The following KAT14 variants were observed in gnomAD, a reference collection of about 807,000 sequenced individuals.
KAT14 encodes lysine acetyltransferase 14.
Under a neutral mutation model 78.4 loss-of-function variants are expected in KAT14, and 66 were observed. That is an observed-to-expected ratio of 0.84 (90% CI 0.69 to 1.03). KAT14 has a LOEUF of 1.03. KAT14 is among the 50% of genes least tolerant of loss of function. The pLI, the probability that KAT14 is intolerant of heterozygous loss-of-function variation, is 0.00. For missense variants in KAT14, 870 were observed against 972.5 expected (o/e 0.89, Z 1.40); for synonymous variants, 344 against 359.4 (o/e 0.96, Z 0.48).
intron 8 of KAT14, among the ~76,000 whole-genome samples, chr20:18,182,816 C>T (rs778534576): frequency 9.2e-5 from 14 of 152,278 alleles, no homozygotes; most frequent in Middle Eastern, 3.4e-3. Flanking sequence ...CTCCAAGGCA[C>T]TGGAGATGCA....
chr20:18,161,427 C>T (rs1164328939), intron 5 of KAT14, among the ~76,000 whole-genome samples: 1 of 152,084 alleles, frequency 6.6e-6, no homozygotes, highest in Non-Finnish European at 1.5e-5. Flanking sequence ...AGTATAACTT[C>T]TTTTTTCTCA....
At position 18,137,902 on chromosome 20, in the gene KAT14, G is replaced by T. The variant is rs911345821; in HGVS notation, c.-603G>T. The T allele has an allele frequency of 3.5e-6, 5 of 1,444,634 alleles. No homozygotes were observed. The highest frequency in any genetic ancestry group is 4.5e-6 in the Non-Finnish European group (5 of 1,104,132). The allele number at this position is 1,444,634 out of a possible 1,614,324, so 89.5% of individuals were successfully genotyped here. A position where few individuals can be genotyped will look rare whatever the true frequency, so the allele number is the denominator to read the frequency against. ...CAGGCGGCGGTGCGCACTCTGCGGC[G>T]GCCTCTGCGCCTCGGGCGGGCGGGA... is the stretch of plus-strand genomic sequence containing the variant. On this transcript the variant is annotated 5_prime_UTR_variant, in exon 1 of 11. Transcript: ENST00000688188.
intron 4 of KAT14, among the ~76,000 whole-genome samples, chr20:18,156,472 A>C (rs1311092180): frequency 6.6e-6 from 1 of 152,198 alleles, no homozygotes; most frequent in Non-Finnish European, 1.5e-5. Context: ...ATGTCCTGGC[A>C]ACAAATTTAT....
rs747767263 is a variant in KAT14 at position 18,162,859 on chromosome 20, AAAG to A, written c.1586_1588del (p.Glu529del). Reference sequence around the variant, plus strand: ...GTTAGTTGACGGGATTTATGGAGCCAAAGAAGGAGGAATTTCCAGACTTCCAGC... The same window carrying A: ...GTTAGTTGACGGGATTTATGGAGCCAAAGGAGGAATTTCCAGACTTCCAGC... On this transcript the variant is annotated inframe_deletion, in exon 7 of 11. Transcript: ENST00000688188. 4.8e-5 allele frequency: 78 copies of A among 1,614,082 alleles called. No individual in the cohort carries two copies. The highest frequency in any genetic ancestry group is 6.4e-5 in the Non-Finnish European group (76 of 1,180,038).
Position 18,162,690 on chromosome 20 carries a change from C to G in KAT14, c.1413C>G (p.Leu471=), listed in dbSNP as rs1269307687. Reference sequence around the variant, plus strand: ...GCATCTACGAGGAAAAGCTGCTGCTCAAGAGGCTGGAAGCTTGTCCCGGTG... The same window carrying G: ...GCATCTACGAGGAAAAGCTGCTGCTGAAGAGGCTGGAAGCTTGTCCCGGTG... The part of the protein sequence containing the change: ...PVSIYEEKLL[L]KRLEACPGAV... The change falls in exon 7 of 11, where the codon CTC becomes CTG. Residue 471 remains leucine, a synonymous_variant. Transcript: ENST00000688188. The G allele has an allele frequency of 2.5e-6, 4 of 1,614,212 alleles. No individual in the cohort carries two copies. In the South Asian group the frequency reaches 4.4e-5, roughly 18 times the overall value.
Position 18,187,519 on chromosome 20 carries a change from C to G in KAT14, c.*60C>G. 1.3e-6 allele frequency: 2 copies of G among 1,599,406 alleles called. No individual in the cohort carries two copies. The highest frequency in any genetic ancestry group is 8.5e-7 in the Non-Finnish European group (1 of 1,175,814). ...TTGGAGAACAGGTCTTTGTGGAGAT[C>G]TAAAGGCAGTGATTGATTTCACAGG... On this transcript the variant is annotated 3_prime_UTR_variant, in exon 11 of 11. Transcript: ENST00000688188.
intron 7 of KAT14, among the ~76,000 whole-genome samples, chr20:18,168,440 A>G (rs533074589): frequency 1.6e-3 from 251 of 152,244 alleles, no homozygotes; most frequent in African/African-American, 5.7e-3. Context: ...AGGCTTGAGA[A>G]TCACTTGAAC....
intron 7 of KAT14, among the ~76,000 whole-genome samples, chr20:18,171,549 C>T (rs139374721): frequency 0.01 from 1,586 of 152,270 alleles, 26 homozygotes; most frequent in African/African-American, 0.036. Context: ...CAGTGGCTCA[C>T]GCCTGTAATC....
At chr20:18,143,649 C>T (rs1446065199) in intron 2 of KAT14, among the ~76,000 whole-genome samples, 9 of 109,504 alleles carry the variant, frequency 8.2e-5, no homozygotes, top group South Asian at 2.9e-4. Context: ...TTTTTTGAGA[C>T]GGAGTTTTCC....
chr20:18,161,901 C>G lies in KAT14; in HGVS notation c.761C>G (p.Ala254Gly). ...KRASRNPVES[A>G]MELKEKRSRT... is the part of the protein sequence containing the mutation. ...GCAAGTCGGAATCCTGTGGAATCTG[C>G]CATGGAATTAAAAGAGAAAAGGTCT... The change falls in exon 6 of 11, where the codon GCC becomes GGC. Residue 254 changes from alanine (A) to glycine (G), a missense_variant. By Grantham distance (60) the Ala-to-Gly change is moderately conservative. Coordinates refer to ENST00000688188, the MANE Select transcript of KAT14 (RefSeq NM_001392073.1). 1 of 1,614,092 alleles carries G rather than the reference C, an allele frequency of 6.2e-7. No homozygotes were observed. The highest frequency in any genetic ancestry group is 8.5e-7 in the Non-Finnish European group (1 of 1,180,030).
intron 10 of KAT14, 36 bp from the exon 11 acceptor site, chr20:18,187,249 TC>T: frequency 2.6e-6 from 4 of 1,564,806 alleles, no homozygotes; most frequent in Non-Finnish European, 3.4e-6. Context: ...CTCAGGCCTT[TC>T]CATTTTTATC....
chr20:18,176,965 A>C (rs962079102), intron 7 of KAT14, among the ~76,000 whole-genome samples: 5 of 152,226 alleles, frequency 3.3e-5, no homozygotes, highest in Non-Finnish European at 4.4e-5. Flanking sequence ...GGAAGAAGTT[A>C]GGGAGCTGTA....
rs1262408473 is a variant in KAT14 at position 18,181,705 on chromosome 20, C to T, written c.1669-5C>T. 1.9e-6 allele frequency: 3 copies of T among 1,613,978 alleles called. No individual in the cohort carries two copies. The highest frequency in any genetic ancestry group is 1.1e-5 in the South Asian group (1 of 91,072). ...TTCTATATAACCAGTGTTTCTTTCT[C>T]ATAGACTTCCTTGCCGTCCAGGAAG... On this transcript the variant is annotated splice_region_variant and splice_polypyrimidine_tract_variant and intron_variant, in intron 7 of 10. Coordinates refer to ENST00000688188, the MANE Select transcript of KAT14 (RefSeq NM_001392073.1).
At chr20:18,152,526 G>T (rs1038697031) in intron 4 of KAT14, among the ~76,000 whole-genome samples, 1 of 152,152 alleles carries the variant, frequency 6.6e-6, no homozygotes, top group Non-Finnish European at 1.5e-5. Flanking sequence ...ACAGTGAGCT[G>T]AGATGGGGCC....
chr20:18,184,800 G>T lies in KAT14; in HGVS notation c.2172+8G>T, dbSNP rs1284117820. ...ATCTATCATCTGATTCAGGTAAGTTGTCTATGTTTATGATTTATCACCTGT... is the reference window on the plus strand; with the variant it reads ...ATCTATCATCTGATTCAGGTAAGTTTTCTATGTTTATGATTTATCACCTGT... On this transcript the variant is annotated splice_region_variant and intron_variant, in intron 10 of 10. Coordinates refer to ENST00000688188, the MANE Select transcript of KAT14 (RefSeq NM_001392073.1). 6.3e-7 allele frequency: 1 copy of T among 1,597,500 alleles called. No individual in the cohort carries two copies. The highest frequency in any genetic ancestry group is 8.5e-7 in the Non-Finnish European group (1 of 1,173,526).
chr20:18,147,400 G>A lies in KAT14; in HGVS notation c.378+2049G>A, dbSNP rs537828143. Among the ~76,000 whole-genome samples the A allele has an allele frequency of 1.4e-4, 22 of 152,248 alleles. No individual in the cohort carries two copies. In the South Asian group the frequency reaches 4.6e-3, roughly 32 times the overall value. ...GTGATATGTGCACACAGGTAGATTT[G>A]TATTTGTCCTGCAAGTTGTTTCTCA... On this transcript the variant is annotated intron_variant, in intron 3 of 10. Coordinates refer to ENST00000688188, the MANE Select transcript of KAT14 (RefSeq NM_001392073.1).
intron 1 of KAT14, among the ~76,000 whole-genome samples, chr20:18,138,686 A>T (rs2037399103): frequency 6.6e-6 from 1 of 151,968 alleles, no homozygotes; most frequent in Admixed American, 6.6e-5. Context: ...TAGAGATAAC[A>T]GTCTCCAGAT....
At chr20:18,165,841 T>A (rs773431821) in intron 7 of KAT14, among the ~76,000 whole-genome samples, 14 of 152,188 alleles carry the variant, frequency 9.2e-5, no homozygotes, top group Non-Finnish European at 1.3e-4. Flanking sequence ...GACAGCTTCC[T>A]TCCAGCTTGC....
In KAT14 at chr20:18,146,822, G is replaced by A. The variant is rs536761336; in HGVS notation, c.378+1471G>A. ...ATCGAGCCACTGTACTCCAGCCTGGGTGGTGACAGAGTGAGACCCCATCTC... is the reference window on the plus strand; with the variant it reads ...ATCGAGCCACTGTACTCCAGCCTGGATGGTGACAGAGTGAGACCCCATCTC... On this transcript the variant is annotated intron_variant, in intron 3 of 10. Transcript: ENST00000688188. Among the ~76,000 whole-genome samples the A allele has an allele frequency of 1.2e-3, 181 of 151,804 alleles. 1 individual carries two copies. The highest frequency in any genetic ancestry group is 2.3e-3 in the Non-Finnish European group (156 of 67,932).
Sources: allele counts gnomAD v4.1 joint callset (sites outside exome capture counted in the v4.1 genomes callset), GRCh38; gene constraint gnomAD v4.1.1; transcripts MANE v1.5; gene names NCBI Gene and HGNC (gene_info 2026-07-23, HGNC 2026-07-21).